Variants in GADL1 observed in about 807,000 individuals in gnomAD.
The protein encoded by GADL1 is GAD like acidic amino acid decarboxylase 1, also known as acidic amino acid decarboxylase GADL1.
GADL1 carries 71 observed loss-of-function variants against 69.5 expected under a neutral mutation model. The ratio of observed to expected loss-of-function variants is 1.02; its 90% CI spans 0.84 to 1.25. The LOEUF (loss-of-function observed/expected upper bound fraction) is 1.25, where lower values mean the gene tolerates loss of function less well. Among genes scored for constraint, GADL1 ranks in the 50% most tolerant of loss-of-function variants. The pLI is 0.00. For synonymous variants in GADL1, 254 were observed against 214.4 expected (o/e 1.18, Z -1.62); for missense variants, 737 against 631.8 (o/e 1.17, Z -1.79).
At chr3:30,770,541 C>T (rs949901292) in intron 14 of GADL1, among the ~76,000 whole-genome samples, 1 of 152,176 alleles carries the variant, frequency 6.6e-6, no homozygotes, top group African/African-American at 2.4e-5. Context: ...TCTCCCATGA[C>T]TGTCATCGAG....
chr3:30,779,074 G>A (rs1696601011), intron 13 of GADL1: 1 of 152,182 alleles, frequency 6.6e-6, no homozygotes, highest in Non-Finnish European at 1.5e-5. Flanking sequence ...TATCAGACAT[G>A]ACTTGCTTAA....
At chr3:30,857,610 A>G (rs895417351) in intron 2 of GADL1, among the ~76,000 whole-genome samples, 10 of 151,982 alleles carry the variant, frequency 6.6e-5, no homozygotes, top group African/African-American at 1.9e-4. Flanking sequence ...ACCCGGCCCT[A>G]TGCAGTCTGC....
At chr3:30,861,519 C>T (rs1296418356) in intron 2 of GADL1, 74 bp downstream of exon 2, 8 of 1,118,894 alleles carry the variant, frequency 7.1e-6, no homozygotes, top group Non-Finnish European at 8.8e-6. Context: ...CATTTGCTTT[C>T]TATTCAGCCA....
chr3:30,763,969 C>T (rs1216829724), intron 14 of GADL1, among the ~76,000 whole-genome samples: 1 of 151,932 alleles, frequency 6.6e-6, no homozygotes, highest in East Asian at 1.9e-4. Context: ...TGACTTTTTT[C>T]TTAACAAAGA....
intron 11 of GADL1, among the ~76,000 whole-genome samples, chr3:30,814,967 TAAA>T (rs202079162): frequency 7.0e-4 from 92 of 131,856 alleles, no homozygotes; most frequent in East Asian, 2.9e-3. Context: ...CTGTCTCATT[TAAA>T]AAAAAAAAAA....
chr3:30,736,744 G>C (rs1365320443), intron 14 of GADL1, among the ~76,000 whole-genome samples: 1 of 152,046 alleles, frequency 6.6e-6, no homozygotes, highest in Non-Finnish European at 1.5e-5. Context: ...TTTTTCAAAC[G>C]TTGATAAAGT....
rs139900394 is a variant in GADL1, at chr3:30,837,864, A to G, written c.903+1133T>C. On this transcript the variant is annotated intron_variant, in intron 9 of 14. Coordinates refer to ENST00000282538, the MANE Select transcript of GADL1 (RefSeq NM_207359.3). ...CAGATACAAATGCTAAAATCCCGTT[A>G]ACGAGTCACGGATAATCTACCTCAA... is the stretch of plus-strand genomic sequence containing the variant. Among the ~76,000 whole-genome samples, 5 of 152,270 alleles carry G rather than the reference A, an allele frequency of 3.3e-5. No homozygotes were observed. In the East Asian group the frequency reaches 5.8e-4, roughly 18 times the overall value.
chr3:30,807,988 TGCCAC>T (rs1465522356), intron 11 of GADL1, among the ~76,000 whole-genome samples: 4 of 151,942 alleles, frequency 2.6e-5, no homozygotes, highest in Non-Finnish European at 4.4e-5. Flanking sequence ...GCCGAGATTG[TGCCAC>T]TGCACTCCAG....
intron 14 of GADL1, among the ~76,000 whole-genome samples, chr3:30,733,673 C>A (rs1158647984): frequency 2.0e-5 from 3 of 150,768 alleles, no homozygotes; most frequent in Admixed American, 6.6e-5. Flanking sequence ...CTCTCCCTCT[C>A]TTGATTGCTT....
chr3:30,854,370 C>A (rs1254880471), intron 4 of GADL1, among the ~76,000 whole-genome samples: 1 of 152,116 alleles, frequency 6.6e-6, no homozygotes, highest in African/African-American at 2.4e-5. Flanking sequence ...AGGGCAGAGT[C>A]AAGGTTTATT....
chr3:30,759,095 G>A (rs552649069), intron 14 of GADL1, among the ~76,000 whole-genome samples: 34 of 152,120 alleles, frequency 2.2e-4, no homozygotes, highest in African/African-American at 7.0e-4. Context: ...TGCAGATCAC[G>A]ATGGAGCTGG....
intron 12 of GADL1, chr3:30,799,016 G>GGT (rs1697108456): frequency 6.6e-6 from 1 of 152,200 alleles, no homozygotes; most frequent in Non-Finnish European, 1.5e-5. Context: ...GGCTTTGCAG[G>GGT]GTATAGCCCC....
chr3:30,855,658 C>T (rs1287446293), intron 3 of GADL1, among the ~76,000 whole-genome samples: 1 of 151,894 alleles, frequency 6.6e-6, no homozygotes, highest in African/African-American at 2.4e-5. Flanking sequence ...GGCTTTACAC[C>T]ATGTGAATAA....
At chr3:30,737,168 T>C (rs1367928962) in intron 14 of GADL1, among the ~76,000 whole-genome samples, 1 of 152,152 alleles carries the variant, frequency 6.6e-6, no homozygotes, top group Non-Finnish European at 1.5e-5. Flanking sequence ...TCTGTATATT[T>C]ACCAGGCCAC....
intron 2 of GADL1, among the ~76,000 whole-genome samples, chr3:30,859,471 C>T (rs953316955): frequency 1.3e-5 from 2 of 151,666 alleles, no homozygotes; most frequent in Non-Finnish European, 2.9e-5. Context: ...AGGCAAGTAT[C>T]ATAGGGAAAG....
chr3:30,787,396 T>A (rs1696820176), intron 12 of GADL1, among the ~76,000 whole-genome samples: 1 of 152,174 alleles, frequency 6.6e-6, no homozygotes. Context: ...ACTCCTCTCT[T>A]CTAGGCTTGG....
In GADL1 at chr3:30,790,230, G is replaced by A. The variant is rs1346153060; in HGVS notation, c.1251-3824C>T. Among the ~76,000 whole-genome samples, 4 of 152,298 alleles carry A rather than the reference G, an allele frequency of 2.6e-5. No homozygotes were observed. The East Asian group carries it at 7.7e-4, about 29-fold the overall frequency. On this transcript the variant is annotated intron_variant, in intron 12 of 14. Coordinates refer to ENST00000282538, the MANE Select transcript of GADL1 (RefSeq NM_207359.3). ...AATTGGAAAGCCTGAAGAGGAGAGA[G>A]ATGGGAATGGCCAGTTGGACAGCAG...
intron 11 of GADL1, among the ~76,000 whole-genome samples, chr3:30,802,305 T>A (rs1275593455): frequency 1.3e-5 from 2 of 152,198 alleles, no homozygotes; most frequent in Non-Finnish European, 2.9e-5. Context: ...CATTGTTACA[T>A]CCATGCAGTT....
At chr3:30,816,552 TTTTTTTTTTTTTTTGA>T (rs1232766216) in intron 11 of GADL1, among the ~76,000 whole-genome samples, 1 of 91,422 alleles carries the variant, frequency 1.1e-5, no homozygotes, top group East Asian at 2.6e-4. Flanking sequence ...TTTTTTTTTT[TTTTTTTTTTTTTTTGA>T]GACAGTCTTG....
Sources: allele counts gnomAD v4.1 joint callset (sites outside exome capture counted in the v4.1 genomes callset), GRCh38; gene constraint gnomAD v4.1.1; transcripts MANE v1.5; gene names NCBI Gene and HGNC (gene_info 2026-07-23, HGNC 2026-07-21).